The following AFAP1 variants were observed in gnomAD, a reference collection of about 807,000 sequenced individuals.
AFAP1 encodes the protein actin filament-associated protein 1.
AFAP1 carries 75 observed loss-of-function variants against 93.9 expected under a neutral mutation model. The ratio of observed to expected loss-of-function variants is 0.80; its 90% confidence interval spans 0.66 to 0.97. AFAP1 has a LOEUF of 0.97. AFAP1 is among the 50% of genes least tolerant of loss of function. The pLI is 0.00. For synonymous variants in AFAP1, 517 were observed against 430.7 expected, an observed-to-expected ratio of 1.20 and a Z score of -2.48; for missense variants, 1,201 against 1,050.8, an observed-to-expected ratio of 1.14 and a Z score of -1.98.
chr4:7,852,343 T>TA (rs1714534840), intron 4 of AFAP1, among the ~76,000 whole-genome samples: 1 of 151,932 alleles, frequency 6.6e-6, no homozygotes, highest in African/African-American at 2.4e-5. Context: ...ATGGTTTCAT[T>TA]AAACTGGAAG....
At chr4:7,907,486 G>C (rs890787309) in intron 1 of AFAP1, among the ~76,000 whole-genome samples, 1 of 152,160 alleles carries the variant, frequency 6.6e-6, no homozygotes, top group African/African-American at 2.4e-5. Context: ...CTAAAGCTGA[G>C]ATTATGGAAG....
At chr4:7,806,145 A>AT (rs2149043307) in intron 9 of AFAP1, among the ~76,000 whole-genome samples, 1 of 152,348 alleles carries the variant, frequency 6.6e-6, no homozygotes, top group Admixed American at 6.5e-5. Flanking sequence ...GTCTCAGATC[A>AT]TATTATCTAC....
intron 5 of AFAP1, among the ~76,000 whole-genome samples, chr4:7,841,470 A>G (rs903612356): frequency 6.6e-6 from 1 of 152,228 alleles, no homozygotes; most frequent in Admixed American, 6.5e-5. Flanking sequence ...CCCCAGAGCT[A>G]CCTGAGCACA....
intron 1 of AFAP1, among the ~76,000 whole-genome samples, chr4:7,907,619 C>G (rs1281143391): frequency 1.3e-5 from 2 of 152,006 alleles, no homozygotes; most frequent in Admixed American, 1.3e-4. Context: ...ACTCCGAAAT[C>G]TATAACTTTT....
chr4:7,797,546 T>C (rs946397724), intron 10 of AFAP1, among the ~76,000 whole-genome samples: 3 of 152,174 alleles, frequency 2.0e-5, no homozygotes, highest in African/African-American at 4.8e-5. Flanking sequence ...CCTGGGAGCC[T>C]TCTACAGAAA....
Position 7,761,185 on chromosome 4 carries a change from A to AACTT in AFAP1, c.*2576_*2579dup, listed in dbSNP as rs1469152070. 6.6e-6 allele frequency: 1 copy of AACTT among 152,260 alleles called. No homozygotes were observed. The allele number at this position is 152,260 out of a possible 1,614,324, so 9.4% of individuals were successfully genotyped here. A position where few individuals can be genotyped will look rare whatever the true frequency, so the allele number is the denominator to read the frequency against. On this transcript the variant is annotated 3_prime_UTR_variant, in exon 18 of 18. Coordinates refer to ENST00000420658, the MANE Select transcript of AFAP1 (RefSeq NM_001134647.2). ...ATTTATTGAACATATACACATAAATAACTTATTCTGAAGTAAATGCTTTAA... is the reference window on the plus strand; with the variant it reads ...ATTTATTGAACATATACACATAAATAACTTACTTATTCTGAAGTAAATGCTTTAA...
intron 4 of AFAP1, 70 bp downstream of exon 4, chr4:7,855,396 A>C: frequency 8.0e-7 from 1 of 1,255,574 alleles, no homozygotes; most frequent in Non-Finnish European, 1.1e-6. Context: ...CCTACCCAGA[A>C]AGGGGACAGG....
At chr4:7,906,672 C>T (rs1023119379) in intron 1 of AFAP1, among the ~76,000 whole-genome samples, 3 of 152,194 alleles carry the variant, frequency 2.0e-5, no homozygotes, top group Non-Finnish European at 4.4e-5. Flanking sequence ...AGCTAAACAA[C>T]GAAGAGGTTT....
At chr4:7,843,483 AAAAAAC>A (rs981471944) in intron 4 of AFAP1, 133 bp from the exon 5 acceptor site, 40 of 843,528 alleles carry the variant, frequency 4.7e-5, no homozygotes, top group African/African-American at 4.1e-4. Context: ...TCCTTAAGGG[AAAAAAC>A]AAAAACAAAA....
chr4:7,788,706 G>A (rs1717544666), intron 11 of AFAP1: 4 of 152,164 alleles, frequency 2.6e-5, no homozygotes, highest in African/African-American at 9.7e-5. Flanking sequence ...TCATTGGAAG[G>A]CTTTTAGGGA....
chr4:7,879,180 C>A (rs1404739810), intron 1 of AFAP1, among the ~76,000 whole-genome samples: 1 of 152,208 alleles, frequency 6.6e-6, no homozygotes. Context: ...ACTCACCTCT[C>A]CCGTCTGCAC....
chr4:7,826,875 G>C (rs1721471722), intron 6 of AFAP1, among the ~76,000 whole-genome samples: 2 of 152,156 alleles, frequency 1.3e-5, no homozygotes, highest in South Asian at 2.1e-4. Flanking sequence ...AAAACGCATG[G>C]AATGTCATGG....
At position 7,761,297 on chromosome 4, in the gene AFAP1, G is replaced by GCCC. The variant is rs1713756197; in HGVS notation, c.*2467_*2468insGGG. 1 of 152,224 alleles carries GCCC rather than the reference G, an allele frequency of 6.6e-6. No homozygotes were observed. The allele number at this position is 152,224 out of a possible 1,614,324, so 9.4% of individuals were successfully genotyped here. On this transcript the variant is annotated 3_prime_UTR_variant, in exon 18 of 18. Transcript: ENST00000420658. ...CCCTCCAGGGCACCCATTTTGAAAGGCTCCATGGACCACGATGGGGTTTGT... is the reference window on the plus strand; with the variant it reads ...CCCTCCAGGGCACCCATTTTGAAAGGCCCCTCCATGGACCACGATGGGGTTTGT...
chr4:7,780,416 T>C (rs1716638948), intron 13 of AFAP1, among the ~76,000 whole-genome samples: 1 of 152,254 alleles, frequency 6.6e-6, no homozygotes, highest in Non-Finnish European at 1.5e-5. Flanking sequence ...ATCCAAAGAA[T>C]GGAGAAAAAA....
chr4:7,808,795 A>G (rs1719755811), intron 9 of AFAP1, among the ~76,000 whole-genome samples: 1 of 151,904 alleles, frequency 6.6e-6, no homozygotes, highest in Non-Finnish European at 1.5e-5. Context: ...TTCCTGCGAG[A>G]TCTGATGGTT....
intron 1 of AFAP1, among the ~76,000 whole-genome samples, chr4:7,886,222 T>C (rs192184818): frequency 6.6e-6 from 1 of 152,332 alleles, no homozygotes; most frequent in East Asian, 1.9e-4. Context: ...CCGTAATGTA[T>C]AATGTGGGGA....
At chr4:7,866,967 A>G (rs1334393623) in intron 3 of AFAP1, among the ~76,000 whole-genome samples, 1 of 149,702 alleles carries the variant, frequency 6.7e-6, no homozygotes, top group Non-Finnish European at 1.5e-5. Flanking sequence ...TGAGTCCAAG[A>G]TGTTGAGGCT....
chr4:7,881,921 A>T (rs1560218034), intron 1 of AFAP1, among the ~76,000 whole-genome samples: 1 of 152,162 alleles, frequency 6.6e-6, no homozygotes, highest in Non-Finnish European at 1.5e-5. Flanking sequence ...AGCGAGATGG[A>T]TATTATATAT....
At chr4:7,810,113 T>C (rs895801544) in intron 8 of AFAP1, among the ~76,000 whole-genome samples, 5 of 152,226 alleles carry the variant, frequency 3.3e-5, no homozygotes, top group Admixed American at 6.5e-5. Context: ...TCCACCCACC[T>C]TGGCCTCCCA....
Sources: gnomAD v4.1 joint callset for allele counts (sites outside exome capture counted in the v4.1 genomes callset) on GRCh38, gnomAD v4.1.1 for gene constraint, MANE v1.5 for transcripts, NCBI Gene and HGNC (gene_info 2026-07-23, HGNC 2026-07-21) for gene names.